The following EHD4 variants were observed in gnomAD, a reference collection of about 807,000 sequenced individuals.
EHD4 encodes EH domain containing 4, also known as EH domain-containing protein 4.
Under a neutral mutation model 51.0 loss-of-function variants are expected in EHD4, and 37 were observed. The ratio of observed to expected loss-of-function variants is 0.73; its 90% CI spans 0.56 to 0.95. The LOEUF (loss-of-function observed/expected upper bound fraction) is 0.95. Ranked by LOEUF, EHD4 falls within the 40% of genes least tolerant of loss-of-function variation. The probability of loss-of-function intolerance (pLI) is 0.00; values close to 1 mark genes in which losing one functional copy is unlikely to be tolerated. For missense variants in EHD4, 632 were observed against 733.1 expected, an observed-to-expected ratio of 0.86 and a Z score of 1.59; for synonymous variants, 297 against 317.3, an observed-to-expected ratio of 0.94 and a Z score of 0.68.
At chr15:41,948,638 A>T (rs1163703566) in intron 2 of EHD4, among the ~76,000 whole-genome samples, 1 of 152,240 alleles carries the variant, frequency 6.6e-6, no homozygotes, top group Non-Finnish European at 1.5e-5. Flanking sequence ...TTCTGCAGCT[A>T]AATTGGCTGG....
intron 1 of EHD4, among the ~76,000 whole-genome samples, chr15:41,964,609 C>T (rs1160397323): frequency 6.6e-6 from 1 of 151,916 alleles, no homozygotes. Flanking sequence ...CTATCTAAAA[C>T]ACTTTTTTTT....
chr15:41,964,759 GA>G (rs199934344), intron 1 of EHD4, among the ~76,000 whole-genome samples: 12,555 of 102,014 alleles, frequency 0.12, 857 homozygotes, highest in African/African-American at 0.22. Flanking sequence ...ATATAAGCCT[GA>G]AAAAAAAAAA....
At chr15:41,952,398 G>C (rs980747219) in intron 2 of EHD4, among the ~76,000 whole-genome samples, 2 of 152,140 alleles carry the variant, frequency 1.3e-5, no homozygotes, top group Non-Finnish European at 2.9e-5. Context: ...CCACACGAAA[G>C]CTAGACCCAG....
At chr15:41,962,979 A>G (rs1412395106) in intron 1 of EHD4, among the ~76,000 whole-genome samples, 2 of 152,220 alleles carry the variant, frequency 1.3e-5, no homozygotes, top group East Asian at 3.8e-4. Flanking sequence ...GATGCTGTTA[A>G]TCTATGACTT....
chr15:41,915,709 T>C (rs2067579047), intron 4 of EHD4, among the ~76,000 whole-genome samples: 1 of 152,196 alleles, frequency 6.6e-6, no homozygotes, highest in African/African-American at 2.4e-5. Flanking sequence ...AATGACATGT[T>C]CCAAACCCTT....
intron 5 of EHD4, among the ~76,000 whole-genome samples, 158 bp from the exon 6 acceptor site, chr15:41,901,339 A>G (rs1170474443): frequency 2.6e-5 from 4 of 152,238 alleles, no homozygotes; most frequent in Non-Finnish European, 4.4e-5. Flanking sequence ...GATGTACCAC[A>G]TATAGGAGTG....
intron 3 of EHD4, among the ~76,000 whole-genome samples, chr15:41,936,438 CTA>C (rs2067732343): frequency 1.3e-5 from 2 of 152,226 alleles, no homozygotes; most frequent in South Asian, 4.2e-4. Context: ...TAACAATGCA[CTA>C]TGAGAGTATT....
At chr15:41,912,650 GC>G (rs1165787353) in intron 4 of EHD4, among the ~76,000 whole-genome samples, 1 of 152,014 alleles carries the variant, frequency 6.6e-6, no homozygotes, top group Non-Finnish European at 1.5e-5. Flanking sequence ...AGCTGAGATT[GC>G]CCCACTGCAC....
intron 3 of EHD4, among the ~76,000 whole-genome samples, chr15:41,935,229 C>A (rs1405447114): frequency 1.3e-5 from 2 of 152,196 alleles, no homozygotes; most frequent in African/African-American, 4.8e-5. Context: ...CTGCCCACCC[C>A]TTGCTGTGGG....
chr15:41,906,838 T>C (rs905450920), intron 5 of EHD4, among the ~76,000 whole-genome samples: 3 of 152,190 alleles, frequency 2.0e-5, no homozygotes, highest in African/African-American at 7.2e-5. Flanking sequence ...AGTGGCTGGC[T>C]GGATCCTGCA....
At chr15:41,944,117 T>G (rs1052003915) in intron 2 of EHD4, among the ~76,000 whole-genome samples, 12 of 152,244 alleles carry the variant, frequency 7.9e-5, no homozygotes, top group African/African-American at 2.7e-4. Context: ...GTTCAAGTTC[T>G]GCCCAGCGTT....
chr15:41,958,611 C>T (rs2067903510), intron 1 of EHD4, among the ~76,000 whole-genome samples: 1 of 151,884 alleles, frequency 6.6e-6, no homozygotes, highest in South Asian at 2.1e-4. Flanking sequence ...AACAGAGATA[C>T]TCTCAATATG....
chr15:41,963,699 A>G (rs566468468), intron 1 of EHD4, among the ~76,000 whole-genome samples: 11 of 152,292 alleles, frequency 7.2e-5, no homozygotes, highest in Admixed American at 7.2e-4. Flanking sequence ...AAAAAGGAAA[A>G]ATTGTTAGAT....
chr15:41,959,466 C>T (rs958529573), intron 1 of EHD4, among the ~76,000 whole-genome samples: 7 of 147,366 alleles, frequency 4.8e-5, no homozygotes, highest in Admixed American at 6.8e-5. Flanking sequence ...AAAATATGTT[C>T]GTGCATACCT....
chr15:41,925,062 A>C (rs1317562592), intron 3 of EHD4, among the ~76,000 whole-genome samples: 3,422 of 130,840 alleles, frequency 0.026, 154 homozygotes, highest in African/African-American at 0.087. Flanking sequence ...TGTATCTCAA[A>C]AAAAAAAAAA....
rs529601436 is a variant in EHD4, at chr15:41,960,862, G to A, written c.237-6922C>T. Among the ~76,000 whole-genome samples the A allele has an allele frequency of 1.4e-3, 208 of 152,014 alleles. 1 individual carries two copies. Among genetic ancestry groups the A allele is most frequent in the African/African-American group, 4.8e-3 (198 of 41,446 alleles). On this transcript the variant is annotated intron_variant, in intron 1 of 5. Coordinates refer to ENST00000220325, the MANE Select transcript of EHD4 (RefSeq NM_139265.4). Reference sequence around the variant, plus strand: ...TAATTTTTGTATTTTTAGTAGAGACGGGGTTTTACCATGTTGTCCAGGCTG... The same window carrying A: ...TAATTTTTGTATTTTTAGTAGAGACAGGGTTTTACCATGTTGTCCAGGCTG...
At chr15:41,918,217 T>TACACACACACACACACACACACAC (rs10682608) in intron 4 of EHD4, among the ~76,000 whole-genome samples, 1 of 147,290 alleles carries the variant, frequency 6.8e-6, no homozygotes, top group African/African-American at 2.5e-5. Flanking sequence ...CAGGGAGCTT[T>TACACACACACACACACACACACAC]ACACACACAC....
rs921197506 is a variant in EHD4, at chr15:41,919,561, G to C, written c.573C>G (p.Leu191=). The change falls in exon 4 of 6, where the codon CTC becomes CTG. Residue 191 remains leucine (L), a synonymous_variant. Transcript: ENST00000220325. ...FAERVDRIIL[L]FDAHKLDISD... is the part of the protein sequence containing the mutation. ...AGATGTCCAGCTTGTGAGCGTCAAA[G>C]AGCAGGATGATCCTGTCCACCCTCT... 5 of 1,527,414 alleles carry C rather than the reference G, an allele frequency of 3.3e-6. No homozygotes were observed. In the African/African-American group the frequency reaches 7.0e-5, roughly 21 times the overall value. The allele number at this position is 1,527,414 out of a possible 1,614,324, so 94.6% of individuals were successfully genotyped here.
chr15:41,940,522 C>A (rs1393290531), intron 3 of EHD4, among the ~76,000 whole-genome samples: 1 of 152,172 alleles, frequency 6.6e-6, no homozygotes, highest in Non-Finnish European at 1.5e-5. Flanking sequence ...CCCCTAACAC[C>A]GTGTGGCACC....
Sources: allele counts gnomAD v4.1 joint callset (sites outside exome capture counted in the v4.1 genomes callset), GRCh38; gene constraint gnomAD v4.1.1; transcripts MANE v1.5; gene names NCBI Gene and HGNC (gene_info 2026-07-23, HGNC 2026-07-21).